The following CHEK1 variants were observed in gnomAD, a reference collection of about 807,000 sequenced individuals.
The protein encoded by CHEK1 is checkpoint kinase 1.
In CHEK1, 32 loss-of-function variants were observed where a neutral mutation model predicts 60.2. The ratio of observed to expected loss-of-function variants is 0.53; its 90% CI spans 0.40 to 0.71. The LOEUF (loss-of-function observed/expected upper bound fraction) is 0.71, where lower values mean the gene tolerates loss of function less well. CHEK1 is among the 30% of genes least tolerant of loss of function. The pLI, the probability that CHEK1 is intolerant of heterozygous loss-of-function variation, is 0.00. For missense variants in CHEK1, 399 were observed against 564.6 expected, an observed-to-expected ratio of 0.71 and a Z score of 2.97; for synonymous variants, 179 against 187.2, an observed-to-expected ratio of 0.96 and a Z score of 0.36.
At chr11:125,676,424 A>G (rs1942511253), downstream of CHEK1, 1 of 1,614,004 alleles carries the variant, frequency 6.2e-7, no homozygotes, top group African/African-American at 1.3e-5. Flanking sequence ...CTCTCCACGA[A>G]GACATTTTCC....
At chr11:125,665,796 T>C (rs569242983) in intron 13 of CHEK1, among the ~76,000 whole-genome samples, 1 of 151,880 alleles carries the variant, frequency 6.6e-6, no homozygotes, top group East Asian at 1.9e-4. Flanking sequence ...TAATGATCTT[T>C]TGTGTTTCTG....
intron 6 of CHEK1, among the ~76,000 whole-genome samples, chr11:125,634,557 T>C (rs986947853): frequency 6.6e-6 from 1 of 152,012 alleles, no homozygotes; most frequent in Non-Finnish European, 1.5e-5. Flanking sequence ...ACTCCTGGGC[T>C]CAAGTAATCT....
rs199749161 is a variant in CHEK1 at position 125,644,474 on chromosome 11, T to C, written c.1102-38T>C. On this transcript the variant is annotated intron_variant, in intron 10 of 12. Transcript: ENST00000438015. The stretch of plus-strand genomic sequence containing the variant: ...GCTATGATATTACTGTCTTTAGTCC[T>C]AATGGATTTATTCATTTGTCTTCTG... The C allele has an allele frequency of 1.0e-4, 167 of 1,605,110 alleles. No homozygotes were observed. The South Asian group carries it at 1.3e-3, about 12-fold the overall frequency.
chr11:125,638,309 A>G (rs1386551404), intron 8 of CHEK1, among the ~76,000 whole-genome samples: 2 of 152,074 alleles, frequency 1.3e-5, no homozygotes, highest in Non-Finnish European at 2.9e-5. Context: ...CTAGTTGTCT[A>G]GAAGTGGGAG....
chr11:125,641,431 T>G (rs1485934634), intron 8 of CHEK1, among the ~76,000 whole-genome samples: 1 of 152,224 alleles, frequency 6.6e-6, no homozygotes, highest in African/African-American at 2.4e-5. Flanking sequence ...TTAGTGATAT[T>G]ACTTGGTTTC....
In CHEK1 at chr11:125,626,010, C is replaced by A. The variant is rs996765922; in HGVS notation, c.-23C>A. ...CCTGCAGTGGTGGGCAAAGGACAGTCCGGTGAGGAAGGGCGGCCGGTAGAG... is the reference window on the plus strand; with the variant it reads ...CCTGCAGTGGTGGGCAAAGGACAGTACGGTGAGGAAGGGCGGCCGGTAGAG... On this transcript the variant is annotated splice_region_variant and 5_prime_UTR_variant, in exon 1 of 13. Coordinates refer to ENST00000438015, the MANE Select transcript of CHEK1 (RefSeq NM_001114122.3). The A allele has an allele frequency of 4.3e-6, 3 of 697,720 alleles. No individual in the cohort carries two copies. The highest frequency in any genetic ancestry group is 3.5e-5 in the African/African-American group (2 of 57,146). The allele number at this position is 697,720 out of a possible 1,614,324, so 43.2% of individuals were successfully genotyped here. A position where few individuals can be genotyped will look rare whatever the true frequency, so the allele number is the denominator to read the frequency against.
At chr11:125,660,750 A>G (rs920235263), downstream of CHEK1, among the ~76,000 whole-genome samples, 2 of 140,692 alleles carry the variant, frequency 1.4e-5, no homozygotes, top group Non-Finnish European at 3.1e-5. Flanking sequence ...AGGATTTATT[A>G]ACAAAAAAAA....
rs192600719 is a variant in CHEK1 at position 125,639,059 on chromosome 11, A to G, written c.814+1515A>G. Reference sequence around the variant, plus strand: ...TAGGTCCTTGATTTCATCTTTACCTATCTTAAATCTTTAGGTTAGTCATTA... The same window carrying G: ...TAGGTCCTTGATTTCATCTTTACCTGTCTTAAATCTTTAGGTTAGTCATTA... On this transcript the variant is annotated intron_variant, in intron 8 of 12. Transcript: ENST00000438015. Among the ~76,000 whole-genome samples the G allele has an allele frequency of 2.7e-3, 411 of 152,130 alleles. 1 individual carries two copies. Among genetic ancestry groups the G allele is most frequent in the African/African-American group, 8.9e-3 (371 of 41,488 alleles).
chr11:125,667,644 A>T (rs1261036492), intron 13 of CHEK1, among the ~76,000 whole-genome samples: 1 of 152,078 alleles, frequency 6.6e-6, no homozygotes, highest in Non-Finnish European at 1.5e-5. Flanking sequence ...TTTTTGAGAC[A>T]GAGTCTTGCT....
chr11:125,666,986 G>GT (rs34905634), intron 13 of CHEK1, among the ~76,000 whole-genome samples: 46,691 of 141,836 alleles, frequency 0.33, 7,620 homozygotes, highest in East Asian at 0.43. Context: ...GTTTTTCGGT[G>GT]TTTTTTTTTT....
chr11:125,658,319 G>A (rs926135202), downstream of CHEK1, among the ~76,000 whole-genome samples: 1 of 152,162 alleles, frequency 6.6e-6, no homozygotes, highest in Non-Finnish European at 1.5e-5. Context: ...GCTGTGTAAT[G>A]ATATATGTGT....
At chr11:125,638,274 AT>A (rs1360219733) in intron 8 of CHEK1, among the ~76,000 whole-genome samples, 1 of 152,146 alleles carries the variant, frequency 6.6e-6, no homozygotes, top group African/African-American at 2.4e-5. Context: ...ATAGGGAAAG[AT>A]TCAGGGTGCT....
chr11:125,678,386 A>G, downstream of CHEK1: 1 of 1,483,304 alleles, frequency 6.7e-7, no homozygotes, highest in Non-Finnish European at 9.1e-7. Context: ...TAATGTTATG[A>G]GACTCCTAGG....
At position 125,629,212 on chromosome 11, in the gene CHEK1, T is replaced by TA. The variant is rs762896574; in HGVS notation, c.290-19dup. 5.6e-6 allele frequency: 9 copies of TA among 1,612,648 alleles called. No homozygotes were observed. In the Admixed American group the frequency reaches 1.0e-4, roughly 18 times the overall value. ...CCTGATTATATTTAGTCAATAAACT[T>TA]ACTTTCATATTTGTTTTAGAGCCAG... On this transcript the variant is annotated intron_variant, in intron 3 of 12. Transcript: ENST00000438015.
At chr11:125,665,660 A>G in intron 13 of CHEK1, among the ~76,000 whole-genome samples, 1 of 151,960 alleles carries the variant, frequency 6.6e-6, no homozygotes, top group East Asian at 1.9e-4. Flanking sequence ...CTTGCTACTC[A>G]TTATTGATAT....
In CHEK1 at chr11:125,665,453, C is replaced by T. The variant is rs1364895191; in HGVS notation, c.*27+10106C>T. On this transcript the variant is annotated intron_variant, in intron 13 of 13. Transcript: ENST00000428830. ...GGTCTGGAATTTTCTTTTTATGTTA[C>T]ATCTTTGCCTGATTTTGGTATTATG... 3.3e-5 allele frequency among the ~76,000 whole-genome samples: 5 copies of T among 151,974 alleles called. No individual in the cohort carries two copies. The East Asian group carries it at 7.7e-4, about 23-fold the overall frequency.
rs192383497 is a variant in CHEK1 at position 125,648,576 on chromosome 11, C to T, written c.1233+3933C>T. ...CAGCCTGGGCGACAGATCAAGACTC[C>T]GTCTCAAAAAAAAAAAAATTACATT... On this transcript the variant is annotated intron_variant, in intron 11 of 12. Coordinates refer to ENST00000438015, the MANE Select transcript of CHEK1 (RefSeq NM_001114122.3). Among the ~76,000 whole-genome samples the T allele has an allele frequency of 9.4e-3, 1,394 of 148,704 alleles. 11 individuals are homozygous for T. Among genetic ancestry groups the T allele is most frequent in the African/African-American group, 0.022 (903 of 40,460 alleles).
intron 11 of CHEK1, among the ~76,000 whole-genome samples, chr11:125,648,013 T>TC (rs796759785): frequency 1.0e-3 from 154 of 152,236 alleles, no homozygotes; most frequent in African/African-American, 3.6e-3. Flanking sequence ...GCCTTTTTTT[T>TC]CCCATTTTTT....
intron 13 of CHEK1, among the ~76,000 whole-genome samples, chr11:125,668,964 T>G (rs1459662134): frequency 2.6e-5 from 4 of 152,156 alleles, no homozygotes; most frequent in Non-Finnish European, 4.4e-5. Flanking sequence ...TTGTACTACT[T>G]CACTTAAAAA....
Sources: gnomAD v4.1 joint callset for allele counts (sites outside exome capture counted in the v4.1 genomes callset) on GRCh38, gnomAD v4.1.1 for gene constraint, MANE v1.5 for transcripts, NCBI Gene and HGNC (gene_info 2026-07-23, HGNC 2026-07-21) for gene names.